ARHGEF33: variants seen among roughly 807,000 people sequenced by gnomAD.
The protein encoded by ARHGEF33 is Rho guanine nucleotide exchange factor 33.
A neutral mutation model predicts 101.9 loss-of-function variants in ARHGEF33; 72 were observed. The ratio of observed to expected loss-of-function variants is 0.71; its 90% CI spans 0.58 to 0.86. ARHGEF33 has a LOEUF of 0.86. ARHGEF33 is among the 40% of genes least tolerant of loss of function. The probability of loss-of-function intolerance (pLI) is 0.00; values close to 1 mark genes in which losing one functional copy is unlikely to be tolerated. For missense variants in ARHGEF33, 1,169 were observed against 1,111.3 expected (o/e 1.05, Z -0.74); for synonymous variants, 499 against 442.5 (o/e 1.13, Z -1.60).
At position 38,974,813 on chromosome 2, in the gene ARHGEF33, C is replaced by A. The variant is rs919043526; in HGVS notation, c.*970C>A. 3 of 152,202 alleles carry A rather than the reference C, an allele frequency of 2.0e-5. No individual in the cohort carries two copies. The highest frequency in any genetic ancestry group is 4.4e-5 in the Non-Finnish European group (3 of 68,038). The allele number at this position is 152,202 out of a possible 1,614,324, so 9.4% of individuals were successfully genotyped here. A position where few individuals can be genotyped will look rare whatever the true frequency, so the allele number is the denominator to read the frequency against. Reference sequence around the variant, plus strand: ...AGGTCAAAGTGAAAATTCAGGATTGCAGCACTTGACTGTTTTCCTATTTTG... The same window carrying A: ...AGGTCAAAGTGAAAATTCAGGATTGAAGCACTTGACTGTTTTCCTATTTTG... On this transcript the variant is annotated 3_prime_UTR_variant, in exon 18 of 18. Transcript: ENST00000409978.
intron 8 of ARHGEF33, among the ~76,000 whole-genome samples, chr2:38,936,269 A>G (rs893627719): frequency 6.6e-6 from 1 of 152,244 alleles, no homozygotes; most frequent in African/African-American, 2.4e-5. Flanking sequence ...ACAAAATTTT[A>G]AAAAGGATTT....
chr2:38,920,560 A>T (rs2124992025), intron 3 of ARHGEF33, among the ~76,000 whole-genome samples: 1 of 151,742 alleles, frequency 6.6e-6, no homozygotes, highest in South Asian at 2.1e-4. Flanking sequence ...GGTGCCTGCC[A>T]CCACAGCCAG....
At chr2:38,960,755 G>T in intron 16 of ARHGEF33, 107 bp downstream of exon 16, 1 of 937,766 alleles carries the variant, frequency 1.1e-6, no homozygotes. Context: ...GCCGGGCCAG[G>T]CTAGGGGGCG....
chr2:38,890,331 G>C (rs987240600), intron 1 of ARHGEF33, among the ~76,000 whole-genome samples: 1 of 152,176 alleles, frequency 6.6e-6, no homozygotes, highest in Non-Finnish European at 1.5e-5. Flanking sequence ...GCGTAAATCT[G>C]ACATGGACAT....
chr2:38,957,847 G>C (rs1667808554), intron 14 of ARHGEF33, 187 bp from the exon 15 acceptor site: 1 of 627,218 alleles, frequency 1.6e-6, no homozygotes, highest in Non-Finnish European at 2.7e-6. Flanking sequence ...CAGTGAATCA[G>C]CTTCCCTAGT....
intron 13 of ARHGEF33, among the ~76,000 whole-genome samples, chr2:38,954,920 C>T (rs1333527477): frequency 3.9e-5 from 6 of 152,122 alleles, no homozygotes; most frequent in South Asian, 2.1e-4. Context: ...AGGTGTGAGC[C>T]GCTGCAGCCA....
chr2:38,931,031 T>C, intron 6 of ARHGEF33, 78 bp from the exon 7 acceptor site: 3 of 1,127,904 alleles, frequency 2.7e-6, no homozygotes, highest in African/African-American at 1.6e-5. Flanking sequence ...TTTTCTTGAG[T>C]TGTTCTGAAC....
chr2:38,929,077 C>T lies in ARHGEF33; in HGVS notation c.240+6C>T, dbSNP rs1666935674. ...ATTCATTAAACTATTTCAAGGTAGG[C>T]CTCTCTTTAATTTCCCTGCTGACAA... On this transcript the variant is annotated splice_donor_region_variant and intron_variant, in intron 5 of 17. Transcript: ENST00000409978. The T allele has an allele frequency of 6.5e-7, 1 of 1,542,434 alleles. No homozygotes were observed. The highest frequency in any genetic ancestry group is 8.7e-7 in the Non-Finnish European group (1 of 1,143,178).
intron 2 of ARHGEF33, among the ~76,000 whole-genome samples, chr2:38,901,255 C>G (rs1666231079): frequency 6.6e-6 from 1 of 152,290 alleles, no homozygotes; most frequent in Non-Finnish European, 1.5e-5. Context: ...CCTGATAAAT[C>G]TAGTTTTCTC....
Position 38,898,657 on chromosome 2 carries a change from C to G in ARHGEF33, c.-86+2808C>G, listed in dbSNP as rs1251718724. 3.9e-5 allele frequency among the ~76,000 whole-genome samples: 6 copies of G among 152,158 alleles called. 1 individual carries two copies. Among genetic ancestry groups the G allele is most frequent in the African/African-American group, 1.4e-4 (6 of 41,442 alleles). On this transcript the variant is annotated intron_variant, in intron 2 of 17. Coordinates refer to ENST00000409978, the MANE Select transcript of ARHGEF33 (RefSeq NM_001145451.5). ...GCTGATTCATTTCTATTTGGCTATA[C>G]TTAACCTAATATACTTAAAAAAAGG...
chr2:38,917,433 T>C (rs532283402), intron 2 of ARHGEF33, among the ~76,000 whole-genome samples: 88 of 152,290 alleles, frequency 5.8e-4, no homozygotes, highest in African/African-American at 1.9e-3. Flanking sequence ...GTATAATTTA[T>C]GTAAGATAAC....
At chr2:38,942,860 C>T (rs1276818646) in intron 9 of ARHGEF33, among the ~76,000 whole-genome samples, 2 of 152,088 alleles carry the variant, frequency 1.3e-5, no homozygotes, top group East Asian at 1.9e-4. Context: ...TTGTATTGAC[C>T]GAGCTTGTCA....
At chr2:38,938,610 T>G (rs558505212) in intron 9 of ARHGEF33, among the ~76,000 whole-genome samples, 3 of 152,318 alleles carry the variant, frequency 2.0e-5, no homozygotes, top group Admixed American at 2.0e-4. Context: ...AGAGTAAAAT[T>G]CACAGAGCTT....
rs142667163 is a variant in ARHGEF33, at chr2:38,957,838, A to G, written c.1371-196A>G. On this transcript the variant is annotated intron_variant, in intron 14 of 17. Transcript: ENST00000409978. ...CCCTTCCCCCAAGCTCTTTTCAGCC[A>G]GTGAATCAGCTTCCCTAGTCCTGCC... 5.4e-4 allele frequency: 319 copies of G among 594,088 alleles called. 1 individual carries two copies. Among genetic ancestry groups the G allele is most frequent in the African/African-American group, 4.4e-3 (240 of 54,096 alleles). The allele number at this position is 594,088 out of a possible 1,614,324, so 36.8% of individuals were successfully genotyped here.
At chr2:38,953,067 T>C (rs1667651880) in intron 11 of ARHGEF33, 95 bp from the exon 12 acceptor site, 2 of 677,032 alleles carry the variant, frequency 3.0e-6, no homozygotes, top group South Asian at 1.7e-5. Context: ...AGATAATCTC[T>C]GCAAAGTACT....
At chr2:38,930,028 A>G (rs1024556673) in intron 6 of ARHGEF33, among the ~76,000 whole-genome samples, 198 bp downstream of exon 6, 1 of 152,248 alleles carries the variant, frequency 6.6e-6, no homozygotes, top group Non-Finnish European at 1.5e-5. Flanking sequence ...AGAAAAATCC[A>G]TTTAATACGA....
chr2:38,916,500 G>A (rs147960032), intron 2 of ARHGEF33, among the ~76,000 whole-genome samples: 160 of 152,246 alleles, frequency 1.1e-3, no homozygotes, highest in African/African-American at 3.6e-3. Context: ...GAAAGTTTTC[G>A]TCTTAGTAAT....
chr2:38,931,413 G>C (rs1432807018), intron 7 of ARHGEF33, 162 bp downstream of exon 7: 11 of 587,122 alleles, frequency 1.9e-5, no homozygotes, highest in South Asian at 3.0e-5. Flanking sequence ...GGATCTAAGA[G>C]ACCACAAGAG....
chr2:38,892,803 C>T (rs542253726), intron 1 of ARHGEF33, among the ~76,000 whole-genome samples: 30 of 152,266 alleles, frequency 2.0e-4, no homozygotes, highest in African/African-American at 6.3e-4. Context: ...TTTGAAATGT[C>T]GCTTCTATCT....
Sources: allele counts gnomAD v4.1 joint callset (sites outside exome capture counted in the v4.1 genomes callset), GRCh38; gene constraint gnomAD v4.1.1; transcripts MANE v1.5; gene names NCBI Gene and HGNC (gene_info 2026-07-23, HGNC 2026-07-21).